The following HPSE2 variants were observed in gnomAD, a reference collection of about 807,000 sequenced individuals.
HPSE2 encodes inactive heparanase-2.
In HPSE2, 38 loss-of-function variants were observed where a neutral mutation model predicts 60.5. That is an observed-to-expected ratio of 0.63 (90% CI 0.48 to 0.82). The LOEUF is 0.82. HPSE2 is among the 40% of genes least tolerant of loss of function. The pLI, the probability that HPSE2 is intolerant of heterozygous loss-of-function variation, is 0.00. For missense variants in HPSE2, 713 were observed against 740.4 expected, an observed-to-expected ratio of 0.96 and a Z score of 0.43; for synonymous variants, 295 against 293.2, an observed-to-expected ratio of 1.01 and a Z score of -0.06.
At chr10:98,732,804 C>T (rs545959468) in intron 4 of HPSE2, among the ~76,000 whole-genome samples, 1 of 151,944 alleles carries the variant, frequency 6.6e-6, no homozygotes, top group South Asian at 2.1e-4. Context: ...AGCTTTTAGA[C>T]TAAAAGATGC....
chr10:98,956,719 C>G (rs1427689920), intron 3 of HPSE2, among the ~76,000 whole-genome samples: 1 of 152,064 alleles, frequency 6.6e-6, no homozygotes, highest in Non-Finnish European at 1.5e-5. Flanking sequence ...TTTCATTAGC[C>G]AGAACTTAGT....
chr10:99,283,848 G>T, the HPSE2 span, among the ~76,000 whole-genome samples: 1 of 152,090 alleles, frequency 6.6e-6, no homozygotes, highest in East Asian at 1.9e-4. Flanking sequence ...TAAGGAGATT[G>T]AAACAGTAAT....
intron 3 of HPSE2, among the ~76,000 whole-genome samples, chr10:99,115,356 G>A (rs756259919): frequency 3.7e-4 from 57 of 152,104 alleles, no homozygotes; most frequent in East Asian, 5.8e-4. Flanking sequence ...GGGTTTCACC[G>A]TGTTAGCCAG....
chr10:99,269,140 C>G, the HPSE2 span, among the ~76,000 whole-genome samples: 3 of 149,526 alleles, frequency 2.0e-5, no homozygotes, highest in South Asian at 6.3e-4. Flanking sequence ...GCCTGGGGGA[C>G]AAGAGCGAGA....
intron 8 of HPSE2, among the ~76,000 whole-genome samples, chr10:98,616,037 A>G (rs1945897994): frequency 6.6e-6 from 1 of 151,992 alleles, no homozygotes; most frequent in African/African-American, 2.4e-5. Flanking sequence ...ACACTTACCC[A>G]AGTCCTTATA....
intron 3 of HPSE2, among the ~76,000 whole-genome samples, chr10:99,142,375 T>G (rs1184620700): frequency 6.6e-6 from 1 of 152,220 alleles, no homozygotes; most frequent in Non-Finnish European, 1.5e-5. Flanking sequence ...AAGACTTAGT[T>G]AAAGGAAATT....
intron 3 of HPSE2, among the ~76,000 whole-genome samples, chr10:99,017,570 C>A (rs2135417428): frequency 6.6e-6 from 1 of 152,158 alleles, no homozygotes; most frequent in African/African-American, 2.4e-5. Flanking sequence ...CCCTCCTCCT[C>A]AATTTTTTGA....
intron 11 of HPSE2, among the ~76,000 whole-genome samples, chr10:98,460,190 G>A (rs147944003): frequency 2.6e-5 from 4 of 152,300 alleles, no homozygotes; most frequent in African/African-American, 9.6e-5. Flanking sequence ...TGATACATGG[G>A]CTTAAGATGA....
the HPSE2 span, among the ~76,000 whole-genome samples, chr10:99,265,232 G>A: frequency 6.6e-6 from 1 of 152,052 alleles, no homozygotes; most frequent in Non-Finnish European, 1.5e-5. Flanking sequence ...TCCTTTGTAC[G>A]CCTAACCCAA....
chr10:99,012,041 T>C (rs956405780), intron 3 of HPSE2, among the ~76,000 whole-genome samples: 29 of 151,852 alleles, frequency 1.9e-4, no homozygotes, highest in Non-Finnish European at 3.7e-4. Flanking sequence ...ATACCTTACT[T>C]TTACTTTGAA....
upstream of HPSE2, chr10:99,235,968 TCGCTCG>T: frequency 2.9e-6 from 1 of 347,904 alleles, no homozygotes; most frequent in Admixed American, 5.4e-5. Flanking sequence ...TCTCTCTCTC[TCGCTCG>T]CTCGCTCGCT....
intron 3 of HPSE2, among the ~76,000 whole-genome samples, chr10:98,794,441 C>G (rs1414909328): frequency 6.6e-6 from 1 of 152,052 alleles, no homozygotes; most frequent in African/African-American, 2.4e-5. Context: ...GATGGAGTTT[C>G]ACTATGTTGG....
At chr10:99,090,206 T>C (rs969516159) in intron 3 of HPSE2, among the ~76,000 whole-genome samples, 1 of 152,128 alleles carries the variant, frequency 6.6e-6, no homozygotes, top group Non-Finnish European at 1.5e-5. Context: ...CAGTATCCTA[T>C]TTAGAACTGA....
intron 3 of HPSE2, among the ~76,000 whole-genome samples, chr10:98,922,327 G>A (rs1954304616): frequency 6.6e-6 from 1 of 152,116 alleles, no homozygotes. Context: ...AAATGACAAA[G>A]TTCTATAAAA....
chr10:99,217,000 C>A (rs1849151305), intron 2 of HPSE2, among the ~76,000 whole-genome samples: 1 of 151,998 alleles, frequency 6.6e-6, no homozygotes, highest in African/African-American at 2.4e-5. Context: ...GAAAAATAAC[C>A]CATAACAGTT....
chr10:98,869,672 A>G (rs1291369387), intron 3 of HPSE2, among the ~76,000 whole-genome samples: 1 of 152,212 alleles, frequency 6.6e-6, no homozygotes, highest in East Asian at 1.9e-4. Context: ...AGACTCAGAA[A>G]GTAGTGCCCA....
chr10:98,669,870 CT>C (rs1947461266), intron 6 of HPSE2, among the ~76,000 whole-genome samples: 2 of 152,040 alleles, frequency 1.3e-5, no homozygotes, highest in African/African-American at 2.4e-5. Context: ...CAGGTGCCCC[CT>C]GAATCTAAAA....
rs140530401 is a variant in HPSE2 at position 98,964,891 on chromosome 10, G to C, written c.610+179347C>G. On this transcript the variant is annotated intron_variant, in intron 3 of 11. Transcript: ENST00000370552. ...TGATTTATCTTTCTCTCTTAATGGA[G>C]GTAAACCATTCCTTTGGTTTCCCTC... Among the ~76,000 whole-genome samples the C allele has an allele frequency of 1.1e-3, 170 of 152,036 alleles. No individual in the cohort carries two copies. In the East Asian group the frequency reaches 0.022, roughly 19 times the overall value.
intron 3 of HPSE2, among the ~76,000 whole-genome samples, chr10:98,831,050 C>A (rs1374337315): frequency 6.6e-6 from 1 of 152,108 alleles, no homozygotes; most frequent in Non-Finnish European, 1.5e-5. Context: ...GTTTTTCATT[C>A]TCCACCCCTC....
Sources: allele counts gnomAD v4.1 joint callset (sites outside exome capture counted in the v4.1 genomes callset), GRCh38; gene constraint gnomAD v4.1.1; transcripts MANE v1.5; gene names NCBI Gene and HGNC (gene_info 2026-07-23, HGNC 2026-07-21).